Variants in ARL10 observed in about 807,000 individuals in gnomAD.
ARL10 encodes the protein ADP-ribosylation factor-like protein 10.
In ARL10, 23 loss-of-function variants were observed where a neutral mutation model predicts 26.1. The ratio of observed to expected loss-of-function variants is 0.88; its 90% CI spans 0.63 to 1.25. The LOEUF (loss-of-function observed/expected upper bound fraction) is 1.25. Among genes scored for constraint, ARL10 ranks in the 50% most tolerant of loss-of-function variants. ARL10 has a pLI of 0.00. For missense variants in ARL10, 300 were observed against 323.6 expected (o/e 0.93, Z 0.56); for synonymous variants, 138 against 149.1 (o/e 0.93, Z 0.54).
chr5:176,412,785 G>A, the ARL10 span, among the ~76,000 whole-genome samples: 1 of 152,116 alleles, frequency 6.6e-6, no homozygotes, highest in East Asian at 1.9e-4. Flanking sequence ...CTCCTGCATG[G>A]GTGTCCTGGC....
Position 176,373,030 on chromosome 5 carries a change from A to C in ARL10, c.*1135A>C, listed in dbSNP as rs1768593129. 1 of 398,546 alleles carries C rather than the reference A, an allele frequency of 2.5e-6. No individual in the cohort carries two copies. Among genetic ancestry groups the C allele is most frequent in the Non-Finnish European group, 4.4e-6 (1 of 226,074 alleles). 24.7% of individuals were successfully genotyped at this position (398,546 alleles called of 1,614,324 possible). On this transcript the variant is annotated 3_prime_UTR_variant, in exon 4 of 4. Transcript: ENST00000310389. ...TAGTACTTTACATGGATTCACATGAACTGAAACGCCACCACTTGGCCCAGG... is the reference window on the plus strand; with the variant it reads ...TAGTACTTTACATGGATTCACATGACCTGAAACGCCACCACTTGGCCCAGG...
chr5:176,386,541 C>A, downstream of ARL10: 1 of 443,078 alleles, frequency 2.3e-6, no homozygotes, highest in Non-Finnish European at 4.2e-6. Context: ...TCCTTAAATT[C>A]ATGAGAAGCC....
In ARL10 at chr5:176,375,274, A is replaced by C. The variant is rs1316847285; in HGVS notation, c.*3379A>C. 1 of 48,940 alleles carries C rather than the reference A, an allele frequency of 2.0e-5. No individual in the cohort carries two copies. Among genetic ancestry groups the C allele is most frequent in the Non-Finnish European group, 3.9e-5 (1 of 25,610 alleles). The allele number at this position is 48,940 out of a possible 1,614,324, so 3.0% of individuals were successfully genotyped here. A position where few individuals can be genotyped will look rare whatever the true frequency, so the allele number is the denominator to read the frequency against. On this transcript the variant is annotated 3_prime_UTR_variant, in exon 4 of 4. Transcript: ENST00000310389. ...CTTCCATCCATCCACCCATCCACCC[A>C]TCCATCCATCCACCCATCCATCCAT...
At chr5:176,405,400 G>A (rs2113661756), downstream of ARL10, among the ~76,000 whole-genome samples, 1 of 146,772 alleles carries the variant, frequency 6.8e-6, no homozygotes, top group African/African-American at 2.5e-5. Context: ...GAGGCAGGAG[G>A]ATCACTTAAG....
chr5:176,371,133 G>A (rs886488443), intron 3 of ARL10, among the ~76,000 whole-genome samples: 1 of 152,316 alleles, frequency 6.6e-6, no homozygotes, highest in African/African-American at 2.4e-5. Flanking sequence ...CCAGCACTTT[G>A]GGAGGCTGAG....
At chr5:176,366,208 G>A (rs1004836896) in intron 1 of ARL10, among the ~76,000 whole-genome samples, 172 bp from the exon 2 acceptor site, 1 of 152,224 alleles carries the variant, frequency 6.6e-6, no homozygotes, top group African/African-American at 2.4e-5. Context: ...ATTCGCCAAG[G>A]GTTTGGAATT....
chr5:176,367,459 G>T (rs902148348), intron 2 of ARL10, among the ~76,000 whole-genome samples: 1 of 152,070 alleles, frequency 6.6e-6, no homozygotes, highest in East Asian at 1.9e-4. Context: ...TGGTCTTCCT[G>T]CTTCCCCTTC....
chr5:176,365,805 T>A (rs1325091363), intron 1 of ARL10, 59 bp downstream of exon 1: 7 of 1,229,840 alleles, frequency 5.7e-6, no homozygotes, highest in Non-Finnish European at 7.1e-6. Context: ...ACTCCGCGCA[T>A]GTGGCCAAGG....
chr5:176,394,902 A>C (rs959561746), intron 1 of ARL10, among the ~76,000 whole-genome samples: 3 of 151,888 alleles, frequency 2.0e-5, no homozygotes, highest in African/African-American at 7.3e-5. Flanking sequence ...CCTCAGGCTC[A>C]ACAGAAGCAT....
downstream of ARL10, chr5:176,389,833 C>G (rs1351251147): frequency 4.9e-6 from 1 of 204,698 alleles, no homozygotes; most frequent in African/African-American, 2.3e-5. Context: ...GCTTAGAAAT[C>G]GTGTAGTCTA....
downstream of ARL10, chr5:176,406,603 C>T (rs987166807): frequency 1.6e-6 from 2 of 1,289,236 alleles, no homozygotes; most frequent in African/African-American, 3.0e-5. Flanking sequence ...CCCTTCTGTC[C>T]CTGCCCCTGG....
At position 176,375,300 on chromosome 5, in the gene ARL10, C is replaced by G. The variant is rs1768667226; in HGVS notation, c.*3405C>G. On this transcript the variant is annotated 3_prime_UTR_variant, in exon 4 of 4. Transcript: ENST00000310389. ...TCCATCCATCCACCCATCCATCCAT[C>G]CATCCATCCATCCATCCATCCATCC... The G allele has an allele frequency of 1.9e-5, 1 of 52,888 alleles. No homozygotes were observed. The highest frequency in any genetic ancestry group is 4.6e-5 in the Non-Finnish European group (1 of 21,908). The allele number at this position is 52,888 out of a possible 1,614,324, so 3.3% of individuals were successfully genotyped here.
chr5:176,377,705 C>T lies in ARL10; in HGVS notation c.*5810C>T, dbSNP rs757341067. 2 of 152,182 alleles carry T rather than the reference C, an allele frequency of 1.3e-5. No homozygotes were observed. The highest frequency in any genetic ancestry group is 2.4e-5 in the African/African-American group (1 of 41,444). The allele number at this position is 152,182 out of a possible 1,614,324, so 9.4% of individuals were successfully genotyped here. A position where few individuals can be genotyped will look rare whatever the true frequency, so the allele number is the denominator to read the frequency against. On this transcript the variant is annotated 3_prime_UTR_variant, in exon 4 of 4. Transcript: ENST00000310389. This position sits in a 1 kb window ranked among gnomAD's most constrained non-coding sequence, Gnocchi z 4.5. ...ATTTCAGCATTTTACAGTGGTCACA[C>T]TATCAGTATTTTTTATAATCTGGAT...
At chr5:176,406,345 C>T, downstream of ARL10, 2 of 1,112,186 alleles carry the variant, frequency 1.8e-6, no homozygotes, top group Non-Finnish European at 2.2e-6. Flanking sequence ...CCCTAGAATC[C>T]CTCTCCTGAG....
At chr5:176,404,702 G>C (rs1757017010), downstream of ARL10, among the ~76,000 whole-genome samples, 1 of 152,200 alleles carries the variant, frequency 6.6e-6, no homozygotes, top group African/African-American at 2.4e-5. Flanking sequence ...CACTCTAGTG[G>C]GGGCTATGCA....
downstream of ARL10, chr5:176,385,448 G>T: frequency 1.5e-6 from 1 of 649,806 alleles, no homozygotes; most frequent in South Asian, 1.8e-5. Flanking sequence ...CAACCACCTG[G>T]GGGTCTTTGC....
At chr5:176,397,802 G>T in intron 1 of ARL10, 2 of 1,511,604 alleles carry the variant, frequency 1.3e-6, no homozygotes, top group Non-Finnish European at 9.2e-7. Context: ...CCCCTGCCAG[G>T]CAGCCACAGG....
chr5:176,410,167 C>A, the ARL10 span: 1 of 1,137,698 alleles, frequency 8.8e-7, no homozygotes, highest in East Asian at 2.4e-5. Context: ...ACAGGAGAAC[C>A]TGGAGCTGTA....
At position 176,368,561 on chromosome 5, in the gene ARL10, C is replaced by G. The variant is rs573549581; in HGVS notation, c.386-246C>G. ...AGCTAGGGACTTGCCCCAAGAGACC[C>G]GCCTATCAGAGCTAGAGCTAAATCC... On this transcript the variant is annotated intron_variant, in intron 2 of 3. Coordinates refer to ENST00000310389, the MANE Select transcript of ARL10 (RefSeq NM_173664.6). The surrounding 1 kb of genome is among the most constrained non-coding windows in gnomAD (Gnocchi z 4.1). 6.6e-6 allele frequency among the ~76,000 whole-genome samples: 1 copy of G among 152,132 alleles called. No individual in the cohort carries two copies. The highest frequency in any genetic ancestry group is 2.4e-5 in the African/African-American group (1 of 41,402).
Sources: gnomAD v4.1 joint callset for allele counts (sites outside exome capture counted in the v4.1 genomes callset) on GRCh38, gnomAD v4.1.1 for gene constraint, Gnocchi (gnomAD v3.1) non-coding constraint, MANE v1.5 for transcripts, NCBI Gene and HGNC (gene_info 2026-07-23, HGNC 2026-07-21) for gene names.